The following CCM2 variants were observed in gnomAD, a reference collection of about 807,000 sequenced individuals.
CCM2 encodes cerebral cavernous malformations 2 protein.
Under a neutral mutation model 44.9 loss-of-function variants are expected in CCM2, and 25 were observed. That is an observed-to-expected ratio of 0.56 (90% confidence interval 0.41 to 0.78). CCM2 has a LOEUF of 0.78. Ranked by LOEUF, CCM2 falls within the 30% of genes least tolerant of loss-of-function variation. CCM2 has a pLI of 0.00. For synonymous variants in CCM2, 219 were observed against 241.1 expected (o/e 0.91, Z 0.85); for missense variants, 481 against 580.6 (o/e 0.83, Z 1.76).
Position 45,076,400 on chromosome 7 carries a change from A to C in CCM2, c.*343A>C. 2.2e-6 allele frequency: 1 copy of C among 458,424 alleles called. No individual in the cohort carries two copies. The highest frequency in any genetic ancestry group is 4.1e-6 in the Non-Finnish European group (1 of 242,826). The allele number at this position is 458,424 out of a possible 1,614,324, so 28.4% of individuals were successfully genotyped here. ...TGTCAGTTTTGCACATGATGTTCCTATTGTAACTCTCAGAGACCTTAAAAA... is the reference window on the plus strand; with the variant it reads ...TGTCAGTTTTGCACATGATGTTCCTCTTGTAACTCTCAGAGACCTTAAAAA... On this transcript the variant is annotated 3_prime_UTR_variant, in exon 10 of 10. Transcript: ENST00000258781.
intron 9 of CCM2, 23 bp from the exon 10 acceptor site, chr7:45,075,754 T>C (rs1322998237): frequency 3.7e-6 from 6 of 1,613,470 alleles, no homozygotes; most frequent in South Asian, 3.3e-5. Context: ...GGAGGTGCCA[T>C]GCTGGGTGTT....
chr7:45,034,315 G>A (rs1157225018), intron 1 of CCM2, among the ~76,000 whole-genome samples: 1 of 151,668 alleles, frequency 6.6e-6, no homozygotes, highest in Non-Finnish European at 1.5e-5. Flanking sequence ...GGATTCAAGC[G>A]ATTCTCCTTT....
upstream of CCM2, chr7:45,000,040 C>T (rs115411913): frequency 7.5e-3 from 1,615 of 214,028 alleles, 24 homozygotes; most frequent in African/African-American, 0.037. Flanking sequence ...CCGTGTTCTC[C>T]CTGAAGGGGC....
chr7:45,005,412 A>AC (rs1795804644), intron 1 of CCM2, among the ~76,000 whole-genome samples: 1 of 152,212 alleles, frequency 6.6e-6, no homozygotes, highest in African/African-American at 2.4e-5. Flanking sequence ...GTAAAGCAAA[A>AC]CGTTTCTCTT....
At chr7:45,068,270 T>G in intron 4 of CCM2, 173 bp from the exon 5 acceptor site, 1 of 782,950 alleles carries the variant, frequency 1.3e-6, no homozygotes, top group Non-Finnish European at 2.2e-6. Flanking sequence ...CCCACCCTTA[T>G]TTAGAGAAGC....
At chr7:45,057,450 C>T (rs963574840) in intron 2 of CCM2, among the ~76,000 whole-genome samples, 23 of 152,132 alleles carry the variant, frequency 1.5e-4, no homozygotes, top group Non-Finnish European at 2.1e-4. Context: ...TGTGAGCCAC[C>T]GCGCCTGGCC....
At position 45,064,015 on chromosome 7, in the gene CCM2, C is replaced by T; in HGVS notation, c.288+14C>T. On this transcript the variant is annotated intron_variant, in intron 3 of 9. Transcript: ENST00000258781. ...GACAATGCAAAGGTAACCCTATCCT[C>T]TTAACCCTGTGCACTAGCCCTCAGC... 6.3e-7 allele frequency: 1 copy of T among 1,589,274 alleles called. No individual in the cohort carries two copies. The highest frequency in any genetic ancestry group is 1.3e-5 in the African/African-American group (1 of 74,516).
intron 1 of CCM2, among the ~76,000 whole-genome samples, chr7:45,030,630 G>T (rs1321237674): frequency 6.6e-6 from 1 of 152,122 alleles, no homozygotes; most frequent in Non-Finnish European, 1.5e-5. Context: ...GTCCAGGCTG[G>T]TCTTGAACTC....
At chr7:45,028,514 G>A (rs1256381001) in intron 1 of CCM2, among the ~76,000 whole-genome samples, 2 of 152,038 alleles carry the variant, frequency 1.3e-5, no homozygotes, top group African/African-American at 2.4e-5. Flanking sequence ...AAAAATTGCC[G>A]GGTGTGGCGG....
At chr7:45,042,826 T>C (rs55893574) in intron 2 of CCM2, among the ~76,000 whole-genome samples, 20,274 of 152,156 alleles carry the variant, frequency 0.13, 1,652 homozygotes, top group Middle Eastern at 0.22. Flanking sequence ...AAAAAGTCTT[T>C]AGGCCCAAAT....
rs181040143 is a variant in CCM2 at position 45,024,107 on chromosome 7, G to A, written c.31-14146G>A. Among the ~76,000 whole-genome samples the A allele has an allele frequency of 9.5e-4, 144 of 152,134 alleles. 2 individuals carry two copies. The highest frequency in any genetic ancestry group is 3.3e-3 in the African/African-American group (138 of 41,512). ...ATTACAGGCATGAGCCACCGCACCC[G>A]GCCTCTGTATCAGTTTTGAATTTAG... is the stretch of plus-strand genomic sequence containing the variant. On this transcript the variant is annotated intron_variant, in intron 1 of 9. Coordinates refer to ENST00000258781, the MANE Select transcript of CCM2 (RefSeq NM_031443.4).
rs1797326655 is a variant in CCM2 at position 45,038,377 on chromosome 7, G to A, written c.155G>A (p.Arg52His). The A allele has an allele frequency of 6.2e-7, 1 of 1,614,154 alleles. No homozygotes were observed. Among genetic ancestry groups the A allele is most frequent in the South Asian group, 1.1e-5 (1 of 91,082 alleles). ...ACTGTGGTGTTGTCATTGCCTGAGCGCGTCGAGCCAGACAGACTGCTGAGC... is the reference window on the plus strand; with the variant it reads ...ACTGTGGTGTTGTCATTGCCTGAGCACGTCGAGCCAGACAGACTGCTGAGC... ...LHTVVLSLPE[R>H]VEPDRLLSDY... The change falls in exon 2 of 10, where the codon CGC becomes CAC. Residue 52 changes from arginine (R) to histidine (H), a missense_variant. Physicochemically the swap from Arg to His is conservative, Grantham distance 29. Transcript: ENST00000258781.
At chr7:45,065,129 G>A (rs945015631) in intron 4 of CCM2, among the ~76,000 whole-genome samples, 5 of 151,786 alleles carry the variant, frequency 3.3e-5, no homozygotes, top group African/African-American at 7.3e-5. Context: ...TGTCCTTGCC[G>A]TCTGCTGCTT....
chr7:45,023,805 T>TTTG (rs1796579804), intron 1 of CCM2, among the ~76,000 whole-genome samples: 1 of 135,292 alleles, frequency 7.4e-6, no homozygotes, highest in Non-Finnish European at 1.6e-5. Flanking sequence ...TTTTTTTTTT[T>TTTG]TTTTTTTTTT....
chr7:45,004,535 CT>C (rs1170948966), intron 1 of CCM2, among the ~76,000 whole-genome samples: 16 of 152,178 alleles, frequency 1.1e-4, no homozygotes, highest in African/African-American at 3.9e-4. Context: ...GAACTGAAAG[CT>C]TGGATTGGAC....
intron 5 of CCM2, among the ~76,000 whole-genome samples, chr7:45,069,368 C>G (rs1382943319): frequency 6.6e-6 from 1 of 152,192 alleles, no homozygotes; most frequent in African/African-American, 2.4e-5. Context: ...GGGAGGGGTA[C>G]AAAAATTGCC....
At chr7:45,053,980 A>G (rs956737656) in intron 2 of CCM2, among the ~76,000 whole-genome samples, 3 of 152,130 alleles carry the variant, frequency 2.0e-5, no homozygotes, top group African/African-American at 7.2e-5. Flanking sequence ...GTATCTGAGA[A>G]TGGCCTCTGG....
At chr7:45,050,358 G>A (rs957228764) in intron 2 of CCM2, among the ~76,000 whole-genome samples, 3 of 152,134 alleles carry the variant, frequency 2.0e-5, no homozygotes, top group South Asian at 2.1e-4. Flanking sequence ...CTCTGTTGTC[G>A]AGTGATGCAT....
intron 2 of CCM2, among the ~76,000 whole-genome samples, chr7:45,060,311 A>C (rs570185234): frequency 6.6e-6 from 1 of 152,346 alleles, no homozygotes; most frequent in Admixed American, 6.5e-5. Context: ...TTTTATAGGT[A>C]GGATGTTTTT....
Sources: allele counts gnomAD v4.1 joint callset (sites outside exome capture counted in the v4.1 genomes callset), GRCh38; gene constraint gnomAD v4.1.1; transcripts MANE v1.5; gene names NCBI Gene and HGNC (gene_info 2026-07-23, HGNC 2026-07-21).